Variants in LRRN2 observed in about 807,000 individuals in gnomAD.
The protein encoded by LRRN2 is leucine-rich repeat neuronal protein 2.
Under a neutral mutation model 35.7 loss-of-function variants are expected in LRRN2, and 10 were observed. The ratio of observed to expected loss-of-function variants is 0.28; its 90% CI spans 0.17 to 0.47. The LOEUF (loss-of-function observed/expected upper bound fraction) is 0.47. LRRN2 is among the 20% of genes least tolerant of loss of function. The pLI is 0.99. For missense variants in LRRN2, 731 were observed against 940.3 expected, an observed-to-expected ratio of 0.78 and a Z score of 2.91; for synonymous variants, 391 against 409.6, an observed-to-expected ratio of 0.95 and a Z score of 0.55.
At chr1:204,661,839 G>A (rs1263771124) in intron 1 of LRRN2, among the ~76,000 whole-genome samples, 1 of 152,192 alleles carries the variant, frequency 6.6e-6, no homozygotes, top group African/African-American at 2.4e-5. Context: ...GAAGGACCAG[G>A]ACAGAGAGTG....
At chr1:204,628,190 C>T (rs906346180) in intron 1 of LRRN2, 1 of 152,278 alleles carries the variant, frequency 6.6e-6, no homozygotes, top group African/African-American at 2.4e-5. Context: ...GGTCACTGGC[C>T]CCCAGGTGAA....
chr1:204,623,874 C>G (rs569455761), intron 1 of LRRN2, among the ~76,000 whole-genome samples: 2 of 152,168 alleles, frequency 1.3e-5, no homozygotes, highest in East Asian at 1.9e-4. Context: ...GTAGAGAACA[C>G]GCATTGCATT....
chr1:204,631,028 G>A (rs1250874335), intron 1 of LRRN2, among the ~76,000 whole-genome samples: 4 of 151,396 alleles, frequency 2.6e-5, no homozygotes, highest in Non-Finnish European at 4.4e-5. Flanking sequence ...AGTAGTCTAC[G>A]CATCACCTGG....
chr1:204,635,890 G>A (rs542879352), intron 1 of LRRN2, among the ~76,000 whole-genome samples: 20 of 152,334 alleles, frequency 1.3e-4, no homozygotes, highest in African/African-American at 3.8e-4. Context: ...GACGAGCATC[G>A]CTGCAGGGAA....
chr1:204,662,931 GA>G (rs111337144), intron 1 of LRRN2, among the ~76,000 whole-genome samples: 2 of 151,194 alleles, frequency 1.3e-5, no homozygotes, highest in African/African-American at 2.4e-5. Context: ...GACTGAGCTG[GA>G]AAAAAAAAGG....
chr1:204,681,009 T>G (rs1668936366), intron 1 of LRRN2, among the ~76,000 whole-genome samples: 1 of 151,564 alleles, frequency 6.6e-6, no homozygotes, highest in Admixed American at 6.6e-5. Context: ...CAGGCTAGAG[T>G]GCAGTGGTGT....
At chr1:204,627,632 G>T (rs1230707285) in intron 1 of LRRN2, among the ~76,000 whole-genome samples, 1 of 152,232 alleles carries the variant, frequency 6.6e-6, no homozygotes, top group African/African-American at 2.4e-5. Flanking sequence ...CTGTCTGCGT[G>T]CACTGCACCA....
At chr1:204,628,393 C>T (rs1667562284) in intron 1 of LRRN2, 1 of 152,220 alleles carries the variant, frequency 6.6e-6, no homozygotes, top group Non-Finnish European at 1.5e-5. Context: ...CCTGTACTGG[C>T]TGTGTGATCC....
chr1:204,644,717 C>G (rs1668062851), intron 1 of LRRN2, among the ~76,000 whole-genome samples: 1 of 152,212 alleles, frequency 6.6e-6, no homozygotes, highest in African/African-American at 2.4e-5. Context: ...CAGGGGCTGG[C>G]TGGGCCTCCC....
rs372836569 is a variant in LRRN2 at position 204,630,829 on chromosome 1, T to C, written c.-226-10611A>G. Among the ~76,000 whole-genome samples, 3 of 152,032 alleles carry C rather than the reference T, an allele frequency of 2.0e-5. No homozygotes were observed. The East Asian group carries it at 5.8e-4, about 30-fold the overall frequency. On this transcript the variant is annotated intron_variant, in intron 1 of 1. Coordinates refer to ENST00000367177, the MANE Select transcript of LRRN2 (RefSeq NM_201630.2). ...AGGCTGCTTCCTGCCTTCCACTCCT[T>C]ACCCATCTCCAAAGCCAGATGGGGG...
chr1:204,617,736 G>T lies in LRRN2; in HGVS notation c.*115C>A. The T allele has an allele frequency of 8.4e-7, 1 of 1,186,368 alleles. No homozygotes were observed. Among genetic ancestry groups the T allele is most frequent in the Non-Finnish European group, 1.2e-6 (1 of 815,542 alleles). 73.5% of individuals were successfully genotyped at this position (1,186,368 alleles called of 1,614,324 possible). A position where few individuals can be genotyped will look rare whatever the true frequency, so the allele number is the denominator to read the frequency against. On this transcript the variant is annotated 3_prime_UTR_variant, in exon 2 of 2. Coordinates refer to ENST00000367177, the MANE Select transcript of LRRN2 (RefSeq NM_201630.2). ...CCATCTGTCTTGGCCCAGCTGCCAG[G>T]CCTCAAGCACGTGGGTCCATGTCCC... is the stretch of plus-strand genomic sequence containing the variant.
intron 1 of LRRN2, among the ~76,000 whole-genome samples, chr1:204,646,831 T>A (rs2102605665): frequency 6.6e-6 from 1 of 152,352 alleles, no homozygotes; most frequent in South Asian, 2.1e-4. Flanking sequence ...GACATATATC[T>A]CTATATTCTA....
Position 204,675,824 on chromosome 1 carries a change from G to A in LRRN2, c.-227+9496C>T, listed in dbSNP as rs553387735. The stretch of plus-strand genomic sequence containing the variant: ...TGTTTGAAAGCCACAGAACCAGAGC[G>A]CTTCCTGTTGCCATCAGTTCTGATG... On this transcript the variant is annotated intron_variant, in intron 1 of 1. Coordinates refer to ENST00000367177, the MANE Select transcript of LRRN2 (RefSeq NM_201630.2). Among the ~76,000 whole-genome samples the A allele has an allele frequency of 5.3e-5, 8 of 152,320 alleles. No homozygotes were observed. In the East Asian group the frequency reaches 5.8e-4, roughly 11 times the overall value.
At chr1:204,628,324 T>A (rs1337081059) in intron 1 of LRRN2, 2 of 152,274 alleles carry the variant, frequency 1.3e-5, no homozygotes, top group Non-Finnish European at 2.9e-5. Context: ...CACCGACCTC[T>A]CTGAGAGCAC....
intron 1 of LRRN2, among the ~76,000 whole-genome samples, chr1:204,674,452 C>T (rs138956539): frequency 9.2e-5 from 14 of 152,300 alleles, no homozygotes; most frequent in South Asian, 4.2e-4. Flanking sequence ...CCCTGGGGGC[C>T]GGCCGGTGGC....
intron 1 of LRRN2, among the ~76,000 whole-genome samples, chr1:204,638,316 C>T (rs941578658): frequency 2.6e-5 from 4 of 151,406 alleles, no homozygotes; most frequent in Non-Finnish European, 5.9e-5. Context: ...CCCCCCGCAC[C>T]GTTGGAGTCA....
chr1:204,639,944 T>C (rs1473009995), intron 1 of LRRN2, among the ~76,000 whole-genome samples: 1 of 152,108 alleles, frequency 6.6e-6, no homozygotes, highest in Non-Finnish European at 1.5e-5. Context: ...GTATATATTA[T>C]ATAATTATAT....
intron 1 of LRRN2, among the ~76,000 whole-genome samples, chr1:204,650,785 A>G (rs1245528381): frequency 6.6e-6 from 1 of 152,102 alleles, no homozygotes; most frequent in African/African-American, 2.4e-5. Context: ...AACAACTCAA[A>G]CACAATCTCT....
chr1:204,625,998 G>A lies in LRRN2; in HGVS notation c.-226-5780C>T, dbSNP rs1256431590. ...TGATGTGGGTGACCTCCTGGCCCCCGTGCCCTCTAGGCCTTCTCATCACAG... is the reference window on the plus strand; with the variant it reads ...TGATGTGGGTGACCTCCTGGCCCCCATGCCCTCTAGGCCTTCTCATCACAG... On this transcript the variant is annotated intron_variant, in intron 1 of 1. Transcript: ENST00000367177. 5.3e-5 allele frequency among the ~76,000 whole-genome samples: 8 copies of A among 152,162 alleles called. 1 individual carries two copies. In the East Asian group the frequency reaches 1.2e-3, roughly 22 times the overall value.
Sources: allele counts gnomAD v4.1 joint callset (sites outside exome capture counted in the v4.1 genomes callset), GRCh38; gene constraint gnomAD v4.1.1; transcripts MANE v1.5; gene names NCBI Gene and HGNC (gene_info 2026-07-23, HGNC 2026-07-21).